Variants in HAL observed in about 807,000 individuals in gnomAD.
HAL encodes the protein histidine ammonia-lyase, also known as histidase.
HAL carries 85 observed loss-of-function variants against 81.1 expected under a neutral mutation model. The observed-to-expected ratio is 1.05, with a 90% CI of 0.88 to 1.25. The LOEUF (loss-of-function observed/expected upper bound fraction) is 1.25. Ranked by LOEUF, HAL falls within the 50% of genes most tolerant of loss-of-function variation. HAL has a pLI of 0.00. For synonymous variants in HAL, 301 were observed against 309.2 expected, an observed-to-expected ratio of 0.97 and a Z score of 0.28; for missense variants, 798 against 836.6, an observed-to-expected ratio of 0.95 and a Z score of 0.57.
chr12:95,984,733 G>C (rs1219880403), intron 14 of HAL, among the ~76,000 whole-genome samples: 1 of 152,212 alleles, frequency 6.6e-6, no homozygotes, highest in Non-Finnish European at 1.5e-5. Context: ...AGTGATAATG[G>C]TGCCTGTCAC....
Position 95,996,008 on chromosome 12 carries a change from AGACTT to A in HAL, c.-81-22_-81-18del. On this transcript the variant is annotated intron_variant, in intron 1 of 20. Coordinates refer to ENST00000261208, the MANE Select transcript of HAL (RefSeq NM_002108.4). Reference sequence around the variant, plus strand: ...TGTGGTCAGCTGGAAGGATGAGAATAGACTTTCAAACCACTCCCCCTCCTTCACCT... The same window carrying A: ...TGTGGTCAGCTGGAAGGATGAGAATATCAAACCACTCCCCCTCCTTCACCT... The A allele has an allele frequency of 8.1e-7, 1 of 1,236,486 alleles. No individual in the cohort carries two copies. Among genetic ancestry groups the A allele is most frequent in the Non-Finnish European group, 1.2e-6 (1 of 866,414 alleles). 76.6% of individuals were successfully genotyped at this position (1,236,486 alleles called of 1,614,324 possible). A position where few individuals can be genotyped will look rare whatever the true frequency, so the allele number is the denominator to read the frequency against.
In HAL at chr12:95,987,215, C is replaced by CT; in HGVS notation, c.904-2dup. 6.2e-7 allele frequency: 1 copy of CT among 1,613,618 alleles called. No homozygotes were observed. The highest frequency in any genetic ancestry group is 8.5e-7 in the Non-Finnish European group (1 of 1,179,508). ...GCGTCCCATTGATGAGTGCCAGGCCCTGTCGGGGGAGAGAGCAAAGTTTCC... is the reference window on the plus strand; with the variant it reads ...GCGTCCCATTGATGAGTGCCAGGCCCTTGTCGGGGGAGAGAGCAAAGTTTCC... On this transcript the variant is annotated splice_acceptor_variant, in intron 11 of 20. Coordinates refer to ENST00000261208, the MANE Select transcript of HAL (RefSeq NM_002108.4). LOFTEE classifies it high-confidence loss of function.
intron 8 of HAL, 120 bp from the exon 9 acceptor site, chr12:95,992,925 C>T: frequency 1.1e-6 from 1 of 887,046 alleles, no homozygotes; most frequent in Middle Eastern, 2.3e-4. Context: ...ACCTTCTCCT[C>T]TCGGCTCAGG....
chr12:95,995,758 C>A lies in HAL; in HGVS notation c.153G>T (p.Ala51=), dbSNP rs374109933. 7 of 1,613,574 alleles carry A rather than the reference C, an allele frequency of 4.3e-6. No individual in the cohort carries two copies. Among genetic ancestry groups the A allele is most frequent in the Non-Finnish European group, 5.9e-6 (7 of 1,180,028 alleles). ...DNGGFTSVDD[A]HFLVRRCKGL... is the part of the protein sequence containing the mutation. ...CCTTGCACCGGCGCACAAGGAAGTG[C>A]GCGTCATCCACGGAGGTGAAGCCAC... The change falls in exon 2 of 21, where the codon GCG becomes GCT. Residue 51 remains alanine, a synonymous_variant. Coordinates refer to ENST00000261208, the MANE Select transcript of HAL (RefSeq NM_002108.4).
intron 14 of HAL, among the ~76,000 whole-genome samples, chr12:95,984,886 C>T (rs559175047): frequency 6.6e-6 from 1 of 152,190 alleles, no homozygotes; most frequent in African/African-American, 2.4e-5. Context: ...AACTTGCTGA[C>T]TAAAGGGAAA....
At chr12:95,979,835 G>A (rs532199437) in intron 17 of HAL, among the ~76,000 whole-genome samples, 5 of 152,180 alleles carry the variant, frequency 3.3e-5, no homozygotes, top group Non-Finnish European at 5.9e-5. Context: ...TGCTAGCTGT[G>A]CAATATTGGG....
At chr12:95,986,861 T>A (rs1043539844) in intron 12 of HAL, among the ~76,000 whole-genome samples, 1 of 152,014 alleles carries the variant, frequency 6.6e-6, no homozygotes, top group African/African-American at 2.4e-5. Flanking sequence ...TTCCGGGCTG[T>A]GTGTATCTGT....
chr12:95,988,176 T>C lies in HAL; in HGVS notation c.903+17A>G. The C allele has an allele frequency of 7.8e-7, 1 of 1,281,758 alleles. No individual in the cohort carries two copies. Among genetic ancestry groups the C allele is most frequent in the Non-Finnish European group, 1.1e-6 (1 of 876,828 alleles). The allele number at this position is 1,281,758 out of a possible 1,614,324, so 79.4% of individuals were successfully genotyped here. Reference sequence around the variant, plus strand: ...AAACTCATGCACTATGAACATATTTTTCTTGAGTTTCCTTACCTCTTTTGG... The same window carrying C: ...AAACTCATGCACTATGAACATATTTCTCTTGAGTTTCCTTACCTCTTTTGG... On this transcript the variant is annotated intron_variant, in intron 11 of 20. Coordinates refer to ENST00000261208, the MANE Select transcript of HAL (RefSeq NM_002108.4).
At position 95,974,469 on chromosome 12, in the gene HAL, A is replaced by G; in HGVS notation, c.1834-97T>C. ...CATCCGAAGTCAAAACATACTCTATACATGACCAGACACAGCTGCTGTTTG... is the reference window on the plus strand; with the variant it reads ...CATCCGAAGTCAAAACATACTCTATGCATGACCAGACACAGCTGCTGTTTG... On this transcript the variant is annotated intron_variant, in intron 20 of 20. Transcript: ENST00000261208. 2.9e-6 allele frequency: 3 copies of G among 1,025,874 alleles called. No homozygotes were observed. The South Asian group carries it at 3.8e-5, about 13-fold the overall frequency. The allele number at this position is 1,025,874 out of a possible 1,614,324, so 63.5% of individuals were successfully genotyped here.
In HAL at chr12:95,980,793, C is replaced by T. The variant is rs1433022359; in HGVS notation, c.1353+5G>A. 1.9e-6 allele frequency: 3 copies of T among 1,595,024 alleles called. No homozygotes were observed. The highest frequency in any genetic ancestry group is 2.7e-5 in the African/African-American group (2 of 74,478). On this transcript the variant is annotated splice_donor_5th_base_variant and intron_variant, in intron 16 of 20. Coordinates refer to ENST00000261208, the MANE Select transcript of HAL (RefSeq NM_002108.4). ...CTGGGTCAGGAGCAGTTTTAAAAAG[C>T]TTACTTTGGCTGGGTATTCACCATG...
Position 95,990,400 on chromosome 12 carries a change from G to GC in HAL, c.847dup (p.Ala283GlyfsTer2). On this transcript the variant is annotated frameshift_variant, in exon 10 of 21. Coordinates refer to ENST00000261208, the MANE Select transcript of HAL (RefSeq NM_002108.4). LOFTEE classifies it high-confidence loss of function. ...AGCTGCTACGAGTCTTACGTATTTA[G>GC]CATCAGCCCAGCCACTCTTCGGAGA... is the stretch of plus-strand genomic sequence containing the variant. 1.9e-6 allele frequency: 3 copies of GC among 1,613,176 alleles called. No individual in the cohort carries two copies. Among genetic ancestry groups the GC allele is most frequent in the Non-Finnish European group, 2.5e-6 (3 of 1,179,128 alleles).
chr12:95,993,619 G>T, intron 7 of HAL, 131 bp from the exon 8 acceptor site: 1 of 852,820 alleles, frequency 1.2e-6, no homozygotes, highest in Non-Finnish European at 2.0e-6. Flanking sequence ...AAACCAGCCA[G>T]CCTGGGTTTT....
In HAL at chr12:95,980,682, C is replaced by T. The variant is rs1247879745; in HGVS notation, c.1393G>A (p.Ala465Thr). ...YLAIGIHELA[A>T]ISERRIERLC... ...CGCTCGATTCTTCTCTCACTGATTG[C>T]AGCAAGTTCATGGATGCCAATGGCC... Residue 465 changes from alanine to threonine, a missense_variant, in exon 17 of 21, where the codon GCA (alanine) becomes ACA (threonine). Physicochemically the swap from Ala to Thr is moderately conservative, Grantham distance 58 (BLOSUM62 0). Coordinates refer to ENST00000261208, the MANE Select transcript of HAL (RefSeq NM_002108.4). 2 of 1,614,056 alleles carry T rather than the reference C, an allele frequency of 1.2e-6. No homozygotes were observed. The highest frequency in any genetic ancestry group is 1.7e-6 in the Non-Finnish European group (2 of 1,179,912).
Position 95,983,960 on chromosome 12 carries a change from A to T in HAL, c.1238T>A (p.Phe413Tyr). The change falls in exon 15 of 21, where the codon TTT (phenylalanine) becomes TAT (tyrosine). Residue 413 changes from phenylalanine to tyrosine, a missense_variant. Phe to Tyr is a conservative substitution (Grantham distance 22). Transcript: ENST00000261208. ...TTCTGTGGTAATGATGTTCTTCACA[A>T]ATGCTATTGTATCATTCACCACACC... ...VHGVVNDTIA[F>Y]VKNIITTELN... 1 of 1,588,988 alleles carries T rather than the reference A, an allele frequency of 6.3e-7. No individual in the cohort carries two copies. The highest frequency in any genetic ancestry group is 1.8e-4 in the Middle Eastern group (1 of 5,416).
chr12:95,995,003 T>C lies in HAL; in HGVS notation c.248-10A>G, dbSNP rs778183053. On this transcript the variant is annotated splice_polypyrimidine_tract_variant and intron_variant, in intron 2 of 20. Transcript: ENST00000261208. ...GCATCACCCTCTATAACTAAAACAA[T>C]GCACGGGAGACTCGTTACAGATCAC... 24 of 1,597,412 alleles carry C rather than the reference T, an allele frequency of 1.5e-5. No homozygotes were observed. Among genetic ancestry groups the C allele is most frequent in the Middle Eastern group, 1.7e-4 (1 of 5,924 alleles).
intron 14 of HAL, among the ~76,000 whole-genome samples, 187 bp from the exon 15 acceptor site, chr12:95,984,178 T>C (rs1253618953): frequency 1.3e-5 from 2 of 152,224 alleles, no homozygotes; most frequent in African/African-American, 4.8e-5. Flanking sequence ...GGGTTTTCAC[T>C]GAAACAAATT....
At chr12:95,995,044 T>TC in intron 2 of HAL, 51 bp from the exon 3 acceptor site, 1 of 1,373,006 alleles carries the variant, frequency 7.3e-7, no homozygotes, top group South Asian at 1.2e-5. Context: ...ACAGCCATGT[T>TC]CCCCCTGTTA....
chr12:95,996,064 A>G lies in HAL; in HGVS notation c.-82+14T>C. 1.3e-6 allele frequency: 1 copy of G among 770,808 alleles called. No homozygotes were observed. Among genetic ancestry groups the G allele is most frequent in the Non-Finnish European group, 2.2e-6 (1 of 460,600 alleles). 47.7% of individuals were successfully genotyped at this position (770,808 alleles called of 1,614,324 possible). ...TTACTCATTCATGCATTGGACAAAT[A>G]TTTATTGAGGTACCTGCTGTCCCTT... On this transcript the variant is annotated intron_variant, in intron 1 of 20. Transcript: ENST00000261208.
Position 95,990,360 on chromosome 12 carries a change from A to T in HAL, c.855+33T>A, listed in dbSNP as rs747023818. 3.1e-6 allele frequency: 5 copies of T among 1,595,824 alleles called. No individual in the cohort carries two copies. In the Admixed American group the frequency reaches 6.7e-5, roughly 21 times the overall value. ...CACAGTTGGTGTCCAACCTGGGGCAATTGCTGCAGATAGAAGCTGCTACGA... is the reference window on the plus strand; with the variant it reads ...CACAGTTGGTGTCCAACCTGGGGCATTTGCTGCAGATAGAAGCTGCTACGA... On this transcript the variant is annotated intron_variant, in intron 10 of 20. Coordinates refer to ENST00000261208, the MANE Select transcript of HAL (RefSeq NM_002108.4).
Sources: allele counts gnomAD v4.1 joint callset (sites outside exome capture counted in the v4.1 genomes callset), GRCh38; gene constraint gnomAD v4.1.1; transcripts MANE v1.5; gene names NCBI Gene and HGNC (gene_info 2026-07-23, HGNC 2026-07-21).